The following UNC5D variants were observed in gnomAD, a reference collection of about 807,000 sequenced individuals.
UNC5D encodes the protein unc-5 netrin receptor D.
Under a neutral mutation model 105.4 loss-of-function variants are expected in UNC5D, and 39 were observed. That is an observed-to-expected ratio of 0.37 (90% CI 0.29 to 0.48). The LOEUF (loss-of-function observed/expected upper bound fraction) is 0.48. Ranked by LOEUF, UNC5D falls within the 20% of genes least tolerant of loss-of-function variation. The probability of loss-of-function intolerance (pLI) is 0.98; values close to 1 mark genes in which losing one functional copy is unlikely to be tolerated. For synonymous variants in UNC5D, 452 were observed against 450.4 expected (o/e 1.00, Z -0.04); for missense variants, 991 against 1,202.4 (o/e 0.82, Z 2.60).
chr8:35,583,960 TG>T (rs1384502760), intron 3 of UNC5D, among the ~76,000 whole-genome samples: 1 of 152,174 alleles, frequency 6.6e-6, no homozygotes, highest in Non-Finnish European at 1.5e-5. Context: ...GAAATGGTGC[TG>T]AGTGGCTTCG....
intron 1 of UNC5D, among the ~76,000 whole-genome samples, chr8:35,311,240 T>G (rs2128878537): frequency 6.6e-6 from 1 of 152,268 alleles, no homozygotes; most frequent in East Asian, 1.9e-4. Context: ...AATGGTGGGT[T>G]AAGAAGCTGA....
chr8:35,734,335 CAAAAAAAAAA>C (rs10657691), intron 11 of UNC5D, among the ~76,000 whole-genome samples: 18 of 28,290 alleles, frequency 6.4e-4, no homozygotes, highest in Non-Finnish European at 1.2e-3. Flanking sequence ...TAATCACTGT[CAAAAAAAAAA>C]AAAAAAAAAA....
Position 35,324,233 on chromosome 8 carries a change from CAAAA to C in UNC5D, c.103+88364_103+88367del, listed in dbSNP as rs569409228. On this transcript the variant is annotated intron_variant, in intron 1 of 16. Transcript: ENST00000404895. ...AGGCAACAGAGCAAGACCCTGTCTC[CAAAA>C]AAAAAAAAAAAAAAAAAGTGATGAG... Among the ~76,000 whole-genome samples the C allele has an allele frequency of 2.7e-3, 167 of 62,806 alleles. 7 individuals carry two copies. The highest frequency in any genetic ancestry group is 1.5e-3 in the East Asian group (3 of 1,976). The allele number at this position is 62,806 out of a possible 152,430, so 41.2% of individuals were successfully genotyped here. A position where few individuals can be genotyped will look rare whatever the true frequency, so the allele number is the denominator to read the frequency against.
intron 1 of UNC5D, among the ~76,000 whole-genome samples, chr8:35,379,147 G>A (rs1282804116): frequency 6.6e-6 from 1 of 152,176 alleles, no homozygotes; most frequent in African/African-American, 2.4e-5. Flanking sequence ...CTCTTGAGCT[G>A]AGGAATGAAT....
intron 1 of UNC5D, among the ~76,000 whole-genome samples, chr8:35,329,402 TATATA>T (rs1810429210): frequency 4.4e-4 from 1 of 2,274 alleles, no homozygotes; most frequent in African/African-American, 9.2e-4. Context: ...ATTGGGTTGA[TATATA>T]TATATATATA....
intron 1 of UNC5D, among the ~76,000 whole-genome samples, chr8:35,515,157 GT>G (rs1813026582): frequency 6.6e-6 from 1 of 152,136 alleles, no homozygotes. Flanking sequence ...TGTTGTAACT[GT>G]TTTCTTGTAT....
At chr8:35,242,623 A>G (rs982493018) in intron 1 of UNC5D, among the ~76,000 whole-genome samples, 58 of 152,094 alleles carry the variant, frequency 3.8e-4, no homozygotes, top group Admixed American at 3.7e-3. Flanking sequence ...GATTACAGGC[A>G]TGCACCATTG....
intron 3 of UNC5D, among the ~76,000 whole-genome samples, chr8:35,589,787 A>T (rs760802346): frequency 6.6e-6 from 1 of 152,164 alleles, no homozygotes; most frequent in Non-Finnish European, 1.5e-5. Flanking sequence ...TTCACCTAGC[A>T]TAGCATTTTT....
At chr8:35,407,537 G>A (rs1283118063) in intron 1 of UNC5D, among the ~76,000 whole-genome samples, 1 of 151,882 alleles carries the variant, frequency 6.6e-6, no homozygotes, top group Non-Finnish European at 1.5e-5. Flanking sequence ...ATGTATGTAT[G>A]TATGTATGTA....
At chr8:35,644,475 C>G (rs1822931009) in intron 4 of UNC5D, among the ~76,000 whole-genome samples, 1 of 152,106 alleles carries the variant, frequency 6.6e-6, no homozygotes, top group Non-Finnish European at 1.5e-5. Context: ...TTATAAGACC[C>G]TGAGAATTAA....
chr8:35,630,509 T>G (rs553689165), intron 4 of UNC5D, among the ~76,000 whole-genome samples: 2 of 152,320 alleles, frequency 1.3e-5, no homozygotes, highest in East Asian at 3.9e-4. Context: ...AGTGGTGTCC[T>G]TTTCTCTCTC....
chr8:35,654,877 G>C (rs1316069040), intron 4 of UNC5D, among the ~76,000 whole-genome samples: 1 of 152,008 alleles, frequency 6.6e-6, no homozygotes, highest in African/African-American at 2.4e-5. Context: ...TTCTGCCCCT[G>C]GTTTTCTCAG....
At chr8:35,299,327 G>A (rs1256721048) in intron 1 of UNC5D, among the ~76,000 whole-genome samples, 2 of 152,184 alleles carry the variant, frequency 1.3e-5, no homozygotes, top group African/African-American at 4.8e-5. Context: ...AGCAGTGCCA[G>A]GAGAGAGTTG....
At chr8:35,467,581 A>G (rs1163234547) in intron 1 of UNC5D, among the ~76,000 whole-genome samples, 3 of 117,172 alleles carry the variant, frequency 2.6e-5, no homozygotes, top group Non-Finnish European at 5.6e-5. Flanking sequence ...GCAAAAAAAA[A>G]AAAAAAAAAA....
intron 1 of UNC5D, among the ~76,000 whole-genome samples, chr8:35,460,930 GAAAAC>G (rs1808842387): frequency 6.6e-6 from 1 of 152,168 alleles, no homozygotes; most frequent in Non-Finnish European, 1.5e-5. Flanking sequence ...GGTCTATTTG[GAAAAC>G]AAAACAGGGC....
chr8:35,292,938 C>A (rs2128863369), intron 1 of UNC5D, among the ~76,000 whole-genome samples: 1 of 152,174 alleles, frequency 6.6e-6, no homozygotes, highest in Admixed American at 6.5e-5. Flanking sequence ...GATCCACCCA[C>A]CTCGGCCTTC....
At chr8:35,474,177 G>A (rs1384626642) in intron 1 of UNC5D, among the ~76,000 whole-genome samples, 1 of 152,212 alleles carries the variant, frequency 6.6e-6, no homozygotes, top group African/African-American at 2.4e-5. Context: ...GTACATCCAT[G>A]CAATGTGTTC....
intron 1 of UNC5D, among the ~76,000 whole-genome samples, chr8:35,313,107 T>C (rs995897238): frequency 1.8e-4 from 28 of 152,210 alleles, no homozygotes; most frequent in African/African-American, 5.3e-4. Flanking sequence ...CTGGAGTAGA[T>C]ATTAGCCATA....
At chr8:35,369,422 AT>A (rs1802306856) in intron 1 of UNC5D, among the ~76,000 whole-genome samples, 2 of 152,220 alleles carry the variant, frequency 1.3e-5, no homozygotes, top group Non-Finnish European at 2.9e-5. Context: ...TGGTTTTATA[AT>A]TAAGTGGAAA....
Sources: allele counts gnomAD v4.1 joint callset (sites outside exome capture counted in the v4.1 genomes callset), GRCh38; gene constraint gnomAD v4.1.1; transcripts MANE v1.5; gene names NCBI Gene and HGNC (gene_info 2026-07-23, HGNC 2026-07-21).